NARS2: variants seen among roughly 807,000 people sequenced by gnomAD.
NARS2 encodes asparaginyl-tRNA synthetase 2, mitochondrial.
NARS2 carries 60 observed loss-of-function variants against 62.9 expected under a neutral mutation model. That is an observed-to-expected ratio of 0.95 (90% CI 0.77 to 1.18). The LOEUF is 1.18. NARS2 is among the 50% of genes most tolerant of loss of function. NARS2 has a pLI of 0.00. For synonymous variants in NARS2, 196 were observed against 200.0 expected (o/e 0.98, Z 0.17); for missense variants, 619 against 576.4 (o/e 1.07, Z -0.76).
chr11:78,495,338 C>A (rs1860013812), intron 6 of NARS2, among the ~76,000 whole-genome samples: 1 of 152,020 alleles, frequency 6.6e-6, no homozygotes, highest in African/African-American at 2.4e-5. Context: ...TGCTCCTCTA[C>A]CCTCCAAATA....
chr11:78,558,133 G>A (rs1041715860), intron 5 of NARS2: 6 of 152,110 alleles, frequency 3.9e-5, no homozygotes, highest in Non-Finnish European at 8.8e-5. Flanking sequence ...TAAACACCTA[G>A]AAGAGAATGT....
intron 4 of NARS2, among the ~76,000 whole-genome samples, chr11:78,561,877 T>C (rs1008829765): frequency 2.6e-5 from 4 of 151,844 alleles, no homozygotes; most frequent in African/African-American, 2.4e-5. Flanking sequence ...CTGACCAACA[T>C]GGTAAAACCC....
chr11:78,468,413 T>C (rs1858723830), intron 10 of NARS2, among the ~76,000 whole-genome samples: 1 of 146,034 alleles, frequency 6.8e-6, no homozygotes, highest in South Asian at 2.1e-4. Flanking sequence ...TTGGTCATCT[T>C]TTTTTTTTTT....
At chr11:78,524,136 T>A (rs1021374527) in intron 6 of NARS2, among the ~76,000 whole-genome samples, 23 of 152,138 alleles carry the variant, frequency 1.5e-4, no homozygotes, top group African/African-American at 5.1e-4. Flanking sequence ...AAATATTTTT[T>A]AAAAATAAGG....
At chr11:78,503,832 G>C (rs7932315) in intron 6 of NARS2, among the ~76,000 whole-genome samples, 1 of 151,944 alleles carries the variant, frequency 6.6e-6, no homozygotes, top group African/African-American at 2.4e-5. Flanking sequence ...AATTGGAGGA[G>C]TAAGAAGGAG....
At chr11:78,444,331 G>A (rs1252183307) in intron 11 of NARS2, among the ~76,000 whole-genome samples, 1 of 151,974 alleles carries the variant, frequency 6.6e-6, no homozygotes, top group Non-Finnish European at 1.5e-5. Flanking sequence ...TTAATTTGTA[G>A]TATTGTTATT....
chr11:78,473,546 A>T (rs761285090), intron 9 of NARS2, among the ~76,000 whole-genome samples: 3 of 152,260 alleles, frequency 2.0e-5, no homozygotes, highest in Non-Finnish European at 4.4e-5. Flanking sequence ...TAGCTACTCC[A>T]GCATTATCAC....
At chr11:78,537,261 T>C (rs1465098349) in intron 5 of NARS2, among the ~76,000 whole-genome samples, 1 of 152,188 alleles carries the variant, frequency 6.6e-6, no homozygotes, top group East Asian at 1.9e-4. Flanking sequence ...TGCATGTGGA[T>C]ACAAATGAAT....
chr11:78,459,427 C>T (rs1049894555), intron 11 of NARS2, among the ~76,000 whole-genome samples: 6 of 150,278 alleles, frequency 4.0e-5, no homozygotes, highest in Non-Finnish European at 8.8e-5. Context: ...TGTACCACCA[C>T]GCCCAGCTAA....
At chr11:78,500,605 C>T (rs1590782814) in intron 6 of NARS2, among the ~76,000 whole-genome samples, 1 of 152,014 alleles carries the variant, frequency 6.6e-6, no homozygotes, top group South Asian at 2.1e-4. Context: ...TCTTGAGTAG[C>T]GAGGACCACA....
chr11:78,511,812 C>A (rs1242447059), intron 6 of NARS2, among the ~76,000 whole-genome samples: 1 of 151,646 alleles, frequency 6.6e-6, no homozygotes, highest in Non-Finnish European at 1.5e-5. Flanking sequence ...ATAAAGTATA[C>A]CTCAATAAAG....
At chr11:78,504,558 C>T (rs776947401) in intron 6 of NARS2, among the ~76,000 whole-genome samples, 38 of 150,704 alleles carry the variant, frequency 2.5e-4, no homozygotes, top group African/African-American at 7.8e-4. Context: ...TATTTGTTAT[C>T]AGCTTTTACT....
chr11:78,540,435 T>C (rs934212989), intron 5 of NARS2, among the ~76,000 whole-genome samples: 1 of 152,018 alleles, frequency 6.6e-6, no homozygotes, highest in Non-Finnish European at 1.5e-5. Context: ...GGAGCGAGAG[T>C]AAATAGCAGT....
chr11:78,486,771 C>T (rs1859593282), intron 7 of NARS2, among the ~76,000 whole-genome samples: 1 of 151,954 alleles, frequency 6.6e-6, no homozygotes, highest in Admixed American at 6.6e-5. Context: ...AAAAAATAAC[C>T]AACAGACACA....
At position 78,466,030 on chromosome 11, in the gene NARS2, G is replaced by T. The variant is rs767056404; in HGVS notation, c.1027-17C>A. ...AGCACCCCACTGTAATGAGAAGAAA[G>T]AAATGACCAAAAGAGGAGACAGAGG... On this transcript the variant is annotated splice_polypyrimidine_tract_variant and intron_variant, in intron 10 of 13. Transcript: ENST00000281038. 1.3e-5 allele frequency: 21 copies of T among 1,569,284 alleles called. No homozygotes were observed. In the East Asian group the frequency reaches 4.1e-4, roughly 30 times the overall value.
chr11:78,552,178 T>C (rs1477942896), intron 5 of NARS2, among the ~76,000 whole-genome samples: 5 of 152,182 alleles, frequency 3.3e-5, no homozygotes, highest in African/African-American at 7.2e-5. Context: ...CCAGTGTCTG[T>C]TGTTTCTTTC....
intron 11 of NARS2, among the ~76,000 whole-genome samples, chr11:78,449,007 G>C (rs1857864961): frequency 6.6e-6 from 1 of 152,070 alleles, no homozygotes; most frequent in Admixed American, 6.6e-5. Context: ...TTGAGTTCAG[G>C]AGAGAGTTCA....
intron 11 of NARS2, among the ~76,000 whole-genome samples, chr11:78,449,141 T>G (rs1459987412): frequency 2.7e-5 from 4 of 146,978 alleles, no homozygotes; most frequent in African/African-American, 7.7e-5. Context: ...ATGTTTTTTT[T>G]TTTTTTTTTT....
intron 7 of NARS2, among the ~76,000 whole-genome samples, chr11:78,480,942 C>T (rs1859327539): frequency 6.6e-6 from 1 of 151,948 alleles, no homozygotes; most frequent in Non-Finnish European, 1.5e-5. Flanking sequence ...CCTCAGCCTC[C>T]TGAGTAGCTG....
Sources: allele counts gnomAD v4.1 joint callset (sites outside exome capture counted in the v4.1 genomes callset), GRCh38; gene constraint gnomAD v4.1.1; transcripts MANE v1.5; gene names NCBI Gene and HGNC (gene_info 2026-07-23, HGNC 2026-07-21).